Variants in ITGA9 observed in about 807,000 individuals in gnomAD.
ITGA9 encodes integrin subunit alpha 9, also known as integrin alpha-9.
In ITGA9, 56 loss-of-function variants were observed where a neutral mutation model predicts 127.8. That is an observed-to-expected ratio of 0.44 (90% CI 0.35 to 0.55). The LOEUF (loss-of-function observed/expected upper bound fraction) is 0.55. ITGA9 is among the 20% of genes least tolerant of loss of function. The pLI is 0.00. For missense variants in ITGA9, 1,196 were observed against 1,347.1 expected (o/e 0.89, Z 1.76); for synonymous variants, 508 against 514.5 (o/e 0.99, Z 0.17).
At chr3:37,639,036 T>A (rs1483810934) in intron 16 of ITGA9, among the ~76,000 whole-genome samples, 1 of 152,074 alleles carries the variant, frequency 6.6e-6, no homozygotes, top group Non-Finnish European at 1.5e-5. Context: ...GAGATTGGAT[T>A]GGGATTCTGG....
chr3:37,778,698 G>A (rs943744994), intron 24 of ITGA9, among the ~76,000 whole-genome samples: 28 of 151,106 alleles, frequency 1.9e-4, no homozygotes, highest in Admixed American at 7.9e-4. Flanking sequence ...TTTTTAAAAA[G>A]TGCAGGTATT....
rs1699284276 is a variant in ITGA9, at chr3:37,542,493, G to A, written c.1597G>A (p.Val533Met). The A allele has an allele frequency of 6.2e-7, 1 of 1,614,124 alleles. No homozygotes were observed. Among genetic ancestry groups the A allele is most frequent in the African/African-American group, 1.3e-5 (1 of 75,036 alleles). The change falls in exon 15 of 28, where the codon GTG becomes ATG. Residue 533 changes from valine (V) to methionine (M), a missense_variant. Val to Met is a conservative substitution (Grantham distance 21). Coordinates refer to ENST00000264741, the MANE Select transcript of ITGA9 (RefSeq NM_002207.3). Reference protein sequence around the residue: ...EKGQMPRVYFVLLGETMGQVT... With the variant: ...EKGQMPRVYFMLLGETMGQVT... The stretch of plus-strand genomic sequence containing the variant: ...GGGCCAGATGCCCAGGGTCTACTTT[G>A]TGCTGCTGGGAGAGACCATGGGTCA...
intron 23 of ITGA9, among the ~76,000 whole-genome samples, chr3:37,758,724 A>G (rs956344192): frequency 1.3e-5 from 2 of 152,106 alleles, no homozygotes; most frequent in African/African-American, 2.4e-5. Flanking sequence ...GGCCTTAACA[A>G]TAAAAAGAAA....
chr3:37,588,915 G>T (rs1699786451), intron 15 of ITGA9, among the ~76,000 whole-genome samples: 1 of 152,176 alleles, frequency 6.6e-6, no homozygotes. Context: ...GGAGCATGAG[G>T]ACCCAAGGCT....
intron 18 of ITGA9, among the ~76,000 whole-genome samples, chr3:37,706,643 G>C (rs1701008901): frequency 6.6e-6 from 1 of 152,178 alleles, no homozygotes; most frequent in Non-Finnish European, 1.5e-5. Flanking sequence ...GGATTGTCCT[G>C]CCCTGGCCAG....
chr3:37,580,072 A>G (rs1699690961), intron 15 of ITGA9, among the ~76,000 whole-genome samples: 1 of 152,260 alleles, frequency 6.6e-6, no homozygotes, highest in Non-Finnish European at 1.5e-5. Context: ...GTACATACCA[A>G]GTACTACCTG....
chr3:37,561,530 A>T (rs1386941802), intron 15 of ITGA9, among the ~76,000 whole-genome samples: 2 of 152,350 alleles, frequency 1.3e-5, no homozygotes, highest in East Asian at 1.9e-4. Context: ...TTGCTTTCAC[A>T]CTTACAAAAG....
At chr3:37,709,922 C>T (rs945474417) in intron 18 of ITGA9, among the ~76,000 whole-genome samples, 1 of 152,170 alleles carries the variant, frequency 6.6e-6, no homozygotes, top group South Asian at 2.1e-4. Flanking sequence ...TTGCAGTGAG[C>T]CAAGATAGCG....
chr3:37,477,243 C>G (rs763531783), intron 3 of ITGA9, among the ~76,000 whole-genome samples: 25 of 152,102 alleles, frequency 1.6e-4, no homozygotes, highest in Admixed American at 1.3e-4. Context: ...GGCAAGAGAC[C>G]AGTATCCCCA....
chr3:37,601,068 G>C (rs1243410785), intron 15 of ITGA9, among the ~76,000 whole-genome samples: 1 of 152,198 alleles, frequency 6.6e-6, no homozygotes, highest in Non-Finnish European at 1.5e-5. Context: ...GGACCATGGT[G>C]GGTCTTTGGG....
chr3:37,604,951 C>T (rs1353271855), intron 15 of ITGA9, among the ~76,000 whole-genome samples: 1 of 152,100 alleles, frequency 6.6e-6, no homozygotes, highest in Non-Finnish European at 1.5e-5. Context: ...TTTTGATGGG[C>T]CGGCTATTCA....
At chr3:37,784,215 T>C (rs535628990) in intron 25 of ITGA9, among the ~76,000 whole-genome samples, 88 of 152,318 alleles carry the variant, frequency 5.8e-4, no homozygotes, top group African/African-American at 1.4e-3. Context: ...AGGTTCTGGC[T>C]TCTCCCCAGA....
rs140318833 is a variant in ITGA9 at position 37,583,194 on chromosome 3, A to G, written c.1689+40609A>G. On this transcript the variant is annotated intron_variant, in intron 15 of 27. Transcript: ENST00000264741. ...GCTCTAATATATATTCTTGGTTTAG[A>G]TTTCTTTTCTGGAGAGGTGTCCCCA... Among the ~76,000 whole-genome samples, 312 of 152,234 alleles carry G rather than the reference A, an allele frequency of 2.0e-3. 1 individual carries two copies. Among genetic ancestry groups the G allele is most frequent in the African/African-American group, 7.1e-3 (294 of 41,544 alleles).
In ITGA9 at chr3:37,814,479, C is replaced by T. The variant is rs1430412280; in HGVS notation, c.3010-4412C>T. ...ACTTGGGAGGCTGAGGCAGGAGAAT[C>T]GCTTGAACCCGAGAGGTGGAGGTTG... On this transcript the variant is annotated intron_variant, in intron 27 of 27. Transcript: ENST00000264741. This position sits in a 1 kb window ranked among gnomAD's most constrained non-coding sequence, Gnocchi z 4.3. Among the ~76,000 whole-genome samples the T allele has an allele frequency of 1.3e-5, 2 of 152,100 alleles. No individual in the cohort carries two copies. The highest frequency in any genetic ancestry group is 2.1e-4 in the South Asian group (1 of 4,828).
rs554161751 is a variant in ITGA9 at position 37,469,324 on chromosome 3, C to T, written c.186-1683C>T. ...CTGTTTTGCAGTGGGAGAGAGGATA[C>T]GGTTTATAATTCCGCACTGCTGCTA... On this transcript the variant is annotated intron_variant, in intron 1 of 27. Coordinates refer to ENST00000264741, the MANE Select transcript of ITGA9 (RefSeq NM_002207.3). 6.6e-5 allele frequency among the ~76,000 whole-genome samples: 10 copies of T among 152,300 alleles called. No homozygotes were observed. The South Asian group carries it at 1.5e-3, about 22-fold the overall frequency.
At chr3:37,791,648 G>A (rs890178964) in intron 26 of ITGA9, among the ~76,000 whole-genome samples, 1 of 152,212 alleles carries the variant, frequency 6.6e-6, no homozygotes, top group East Asian at 1.9e-4. Flanking sequence ...AGAAGGTTCA[G>A]TGATACCAGC....
At chr3:37,780,534 GTATA>G (rs35992243) in intron 25 of ITGA9, among the ~76,000 whole-genome samples, 76,429 of 151,108 alleles carry the variant, frequency 0.51, 19,339 homozygotes, top group South Asian at 0.59. Context: ...GTGTGTGTGT[GTATA>G]TATATATATA....
intron 23 of ITGA9, 80 bp downstream of exon 23, chr3:37,750,649 C>T: frequency 1.0e-6 from 1 of 975,212 alleles, no homozygotes; most frequent in Non-Finnish European, 1.7e-6. Context: ...CCTACCCTGA[C>T]ATCCACCTTG....
In ITGA9 at chr3:37,512,023, CTTTTCTTTCTTTCTTT is replaced by C. The variant is rs1559524510; in HGVS notation, c.898-1739_898-1724del. Among the ~76,000 whole-genome samples, 24 of 27,398 alleles carry C rather than the reference CTTTTCTTTCTTTCTTT, an allele frequency of 8.8e-4. 2 individuals carry two copies. The highest frequency in any genetic ancestry group is 2.8e-3 in the African/African-American group (21 of 7,534). The allele number at this position is 27,398 out of a possible 152,430, so 18.0% of individuals were successfully genotyped here. A position where few individuals can be genotyped will look rare whatever the true frequency, so the allele number is the denominator to read the frequency against. ...CTTTTCTTTTCTTTTCTTTTCTTTT[CTTTTCTTTCTTTCTTT>C]CTTTCTTTCTTTCTTTCTTTCTTTC... On this transcript the variant is annotated intron_variant, in intron 8 of 27. Coordinates refer to ENST00000264741, the MANE Select transcript of ITGA9 (RefSeq NM_002207.3).
Sources: allele counts gnomAD v4.1 joint callset (sites outside exome capture counted in the v4.1 genomes callset), GRCh38; gene constraint gnomAD v4.1.1; non-coding constraint Gnocchi (gnomAD v3.1); transcripts MANE v1.5; gene names NCBI Gene and HGNC (gene_info 2026-07-23, HGNC 2026-07-21).